The following AFF2 variants were observed in gnomAD, a reference collection of about 807,000 sequenced individuals.
AFF2 encodes AF4/FMR2 family member 2.
Under a neutral mutation model 76.9 loss-of-function variants are expected in AFF2, and 14 were observed. The observed-to-expected ratio is 0.18, with a 90% CI of 0.12 to 0.28. The LOEUF is 0.28. Ranked by LOEUF, AFF2 falls within the 10% of genes least tolerant of loss-of-function variation. AFF2 has a pLI of 1.00. For missense variants in AFF2, 868 were observed against 1,001.1 expected (o/e 0.87, Z 1.79); for synonymous variants, 398 against 366.7 (o/e 1.09, Z -0.98).
intron 3 of AFF2, among the ~76,000 whole-genome samples, chrX:148,794,885 A>G (rs1247142066): frequency 8.9e-6 from 1 of 111,872 alleles, no homozygotes; most frequent in African/African-American, 3.2e-5. Flanking sequence ...AGTGGAAGAA[A>G]CACTGGATTG....
intron 3 of AFF2, among the ~76,000 whole-genome samples, chrX:148,713,050 G>A (rs2124531410): frequency 9.0e-6 from 1 of 111,267 alleles, no homozygotes; most frequent in South Asian, 3.8e-4. Flanking sequence ...AAGGAGGTGA[G>A]GAAGCAAGCC....
At chrX:148,509,169 G>A (rs972835238) in intron 1 of AFF2, among the ~76,000 whole-genome samples, 33 of 111,840 alleles carry the variant, frequency 3.0e-4, no homozygotes, top group African/African-American at 1.0e-3. Flanking sequence ...TAGAATTAGG[G>A]AAATACTATG....
chrX:148,562,757 C>T (rs1255536996), intron 1 of AFF2, among the ~76,000 whole-genome samples: 2 of 111,698 alleles, frequency 1.8e-5, no homozygotes, highest in African/African-American at 6.5e-5. Context: ...CTTCCCCTAT[C>T]TCTTTTCCTT....
intron 11 of AFF2, 84 bp downstream of exon 11, chrX:148,956,697 G>A: frequency 1.1e-6 from 1 of 947,870 alleles, no homozygotes; most frequent in Non-Finnish European, 1.4e-6. Context: ...CATCTTCAAG[G>A]AAGCCAATGG....
At chrX:148,752,132 G>A (rs2055509136) in intron 3 of AFF2, among the ~76,000 whole-genome samples, 1 of 111,499 alleles carries the variant, frequency 9.0e-6, no homozygotes. Flanking sequence ...CCATAGTATT[G>A]AGGGTGAGGA....
chrX:148,670,083 TC>T (rs1557258925), intron 3 of AFF2, among the ~76,000 whole-genome samples: 1 of 111,908 alleles, frequency 8.9e-6, no homozygotes, highest in Admixed American at 9.5e-5. Context: ...TCTTCATATT[TC>T]CCCTAACTTT....
chrX:148,823,355 A>G (rs1292693895), intron 4 of AFF2, among the ~76,000 whole-genome samples: 2 of 111,851 alleles, frequency 1.8e-5, no homozygotes, highest in African/African-American at 6.5e-5. Flanking sequence ...CTCCATCTGT[A>G]AAGTGTTGAA....
At chrX:148,775,862 CT>C (rs58186520) in intron 3 of AFF2, among the ~76,000 whole-genome samples, 138 of 105,596 alleles carry the variant, frequency 1.3e-3, no homozygotes, top group African/African-American at 3.9e-3. Context: ...AGATCCTTAA[CT>C]TTTTTTTTTC....
Position 148,650,906 on chromosome X carries a change from G to A in AFF2, c.48-1093G>A, listed in dbSNP as rs782541508. 1.2e-4 allele frequency among the ~76,000 whole-genome samples: 13 copies of A among 111,987 alleles called. No homozygotes were observed. The South Asian group carries it at 4.4e-3, about 38-fold the overall frequency. On this transcript the variant is annotated intron_variant, in intron 1 of 20. Coordinates refer to ENST00000370460, the MANE Select transcript of AFF2 (RefSeq NM_002025.4). ...ATTTGCATGTCAATTATCTAATTAA[G>A]TCTTAACATGGGACTATTAACATGG...
intron 1 of AFF2, among the ~76,000 whole-genome samples, chrX:148,523,834 T>A (rs2052626530): frequency 8.9e-6 from 1 of 111,819 alleles, no homozygotes; most frequent in Admixed American, 9.5e-5. Context: ...TCCTCCAGAT[T>A]GAGAAAGGAA....
intron 3 of AFF2, among the ~76,000 whole-genome samples, chrX:148,720,978 A>G (rs969862020): frequency 8.9e-6 from 1 of 111,751 alleles, no homozygotes; most frequent in African/African-American, 3.3e-5. Context: ...TGAGATATAG[A>G]TATTACCTGA....
intron 1 of AFF2, among the ~76,000 whole-genome samples, chrX:148,583,257 A>G (rs1171672764): frequency 8.9e-6 from 1 of 112,042 alleles, no homozygotes; most frequent in African/African-American, 3.2e-5. Context: ...TGGTATGTGA[A>G]TTGTATCTCA....
chrX:148,727,909 G>A (rs1557264368), intron 3 of AFF2, among the ~76,000 whole-genome samples: 1 of 112,012 alleles, frequency 8.9e-6, no homozygotes, highest in African/African-American at 3.2e-5. Context: ...AAGATCAAGA[G>A]AGTTCCGATA....
intron 1 of AFF2, among the ~76,000 whole-genome samples, chrX:148,584,557 AT>A (rs3040766): frequency 4.9e-4 from 46 of 94,703 alleles, no homozygotes; most frequent in African/African-American, 3.9e-4. Context: ...AAATGAAATG[AT>A]TTTTTTTTTT....
chrX:148,834,239 T>G (rs1415788134), intron 4 of AFF2, among the ~76,000 whole-genome samples: 4 of 112,454 alleles, frequency 3.6e-5, no homozygotes, highest in Admixed American at 2.8e-4. Context: ...AGTCTTTTCT[T>G]CATTATCCAT....
intron 1 of AFF2, among the ~76,000 whole-genome samples, chrX:148,553,341 A>G (rs1322486685): frequency 8.9e-6 from 1 of 111,995 alleles, no homozygotes; most frequent in Non-Finnish European, 1.9e-5. Flanking sequence ...TAATTTTAAC[A>G]CTATATTTTC....
chrX:148,966,943 A>G lies in AFF2; in HGVS notation c.3067A>G (p.Ile1023Val). 1 of 1,210,816 alleles carries G rather than the reference A, an allele frequency of 8.3e-7. No individual in the cohort carries two copies. Among genetic ancestry groups the G allele is most frequent in the Admixed American group, 2.2e-5 (1 of 45,896 alleles). The change falls in exon 14 of 21, where the codon ATT (isoleucine) becomes GTT (valine). Residue 1023 changes from isoleucine (I) to valine (V), a missense_variant. Physicochemically the swap from Ile to Val is conservative, Grantham distance 29. Coordinates refer to ENST00000370460, the MANE Select transcript of AFF2 (RefSeq NM_002025.4). ...TATTTTTTTT[I>V]STITSTITTG... ...CACCACCACAACTACTACCACTACC[A>G]TTTCCACCATCACCTCTACCATCAC...
intron 9 of AFF2, among the ~76,000 whole-genome samples, chrX:148,942,773 G>C (rs782412376): frequency 1.2e-4 from 13 of 105,734 alleles, no homozygotes; most frequent in African/African-American, 4.6e-4. Flanking sequence ...TCGTGATCGC[G>C]CCACTGCACT....
At chrX:148,518,342 T>C (rs1459391808) in intron 1 of AFF2, among the ~76,000 whole-genome samples, 2 of 112,213 alleles carry the variant, frequency 1.8e-5, no homozygotes, top group Non-Finnish European at 3.8e-5. Context: ...GAGAAGTTTA[T>C]TGTATTTACT....
Sources: allele counts gnomAD v4.1 joint callset (sites outside exome capture counted in the v4.1 genomes callset), GRCh38; gene constraint gnomAD v4.1.1; transcripts MANE v1.5; gene names NCBI Gene and HGNC (gene_info 2026-07-23, HGNC 2026-07-21).